The following DAB2IP variants were observed in gnomAD, a reference collection of about 807,000 sequenced individuals.
DAB2IP encodes DAB2 interacting protein.
A neutral mutation model predicts 107.2 loss-of-function variants in DAB2IP; 28 were observed. That is an observed-to-expected ratio of 0.26 (90% CI 0.19 to 0.36). The LOEUF is 0.36. Among genes scored for constraint, DAB2IP ranks in the 10% least tolerant of loss-of-function variants. The pLI, the probability that DAB2IP is intolerant of heterozygous loss-of-function variation, is 1.00. For synonymous variants in DAB2IP, 755 were observed against 706.4 expected (o/e 1.07, Z -1.09); for missense variants, 1,400 against 1,644.7 (o/e 0.85, Z 2.57).
At chr9:121,612,144 C>A (rs1453408512) in intron 1 of DAB2IP, among the ~76,000 whole-genome samples, 1 of 151,592 alleles carries the variant, frequency 6.6e-6, no homozygotes, top group Non-Finnish European at 1.5e-5. Flanking sequence ...CATAGCAAAA[C>A]CCTGTCTCTA....
chr9:121,675,861 A>G (rs773904507), intron 1 of DAB2IP, among the ~76,000 whole-genome samples: 70 of 152,140 alleles, frequency 4.6e-4, no homozygotes, highest in Non-Finnish European at 9.3e-4. Flanking sequence ...GGGTGGTGCG[A>G]AGGGGTGAGA....
intron 3 of DAB2IP, among the ~76,000 whole-genome samples, chr9:121,724,957 G>A (rs568341037): frequency 2.0e-5 from 3 of 152,256 alleles, no homozygotes; most frequent in African/African-American, 7.2e-5. Context: ...GGGGCAGGTC[G>A]GGGACTTCAG....
intron 1 of DAB2IP, among the ~76,000 whole-genome samples, chr9:121,623,257 CAG>C (rs1564117599): frequency 6.6e-6 from 1 of 152,208 alleles, no homozygotes; most frequent in Non-Finnish European, 1.5e-5. Context: ...AGGGGTGGTG[CAG>C]GGCCAGTGGG....
At chr9:121,756,096 C>T (rs756277281) in intron 3 of DAB2IP, among the ~76,000 whole-genome samples, 26 of 152,310 alleles carry the variant, frequency 1.7e-4, no homozygotes, top group Admixed American at 1.0e-3. Flanking sequence ...CCTGTCCTCA[C>T]GCTTTTCCTC....
chr9:121,617,686 T>C (rs1316420922), intron 1 of DAB2IP, among the ~76,000 whole-genome samples: 1 of 152,228 alleles, frequency 6.6e-6, no homozygotes, highest in African/African-American at 2.4e-5. Flanking sequence ...TACTTGGCAT[T>C]TTCATTCCTA....
intron 3 of DAB2IP, among the ~76,000 whole-genome samples, chr9:121,729,333 C>T (rs761699604): frequency 3.3e-5 from 5 of 152,180 alleles, no homozygotes; most frequent in Non-Finnish European, 7.3e-5. Flanking sequence ...TTCTCATTTG[C>T]TCCTCTCAGA....
At chr9:121,783,380 A>T in exon 16 of DAB2IP, 1 of 1,537,118 alleles carries the variant, frequency 6.5e-7, no homozygotes, top group Non-Finnish European at 8.7e-7. Context: ...CCTGGGGCCC[A>T]GCACACCCAG....
intron 3 of DAB2IP, among the ~76,000 whole-genome samples, chr9:121,738,608 A>G (rs1278614629): frequency 1.3e-5 from 2 of 152,186 alleles, no homozygotes; most frequent in Non-Finnish European, 2.9e-5. Flanking sequence ...GAGCAGTTAA[A>G]CGAAACTGCC....
At chr9:121,636,824 G>A (rs1480521922) in intron 1 of DAB2IP, among the ~76,000 whole-genome samples, 1 of 152,196 alleles carries the variant, frequency 6.6e-6, no homozygotes, top group African/African-American at 2.4e-5. Context: ...CAGTTTACCA[G>A]GCAGCTTCCT....
intron 1 of DAB2IP, among the ~76,000 whole-genome samples, chr9:121,593,317 G>A (rs1238949447): frequency 6.6e-6 from 1 of 152,174 alleles, no homozygotes; most frequent in Non-Finnish European, 1.5e-5. Flanking sequence ...GTCCAGGCTA[G>A]AGTGCAATGG....
intron 1 of DAB2IP, among the ~76,000 whole-genome samples, chr9:121,631,614 G>A (rs949595593): frequency 3.3e-5 from 5 of 151,962 alleles, no homozygotes; most frequent in South Asian, 2.1e-4. Context: ...TCAAGAGATC[G>A]AGACCATCCT....
intron 3 of DAB2IP, among the ~76,000 whole-genome samples, chr9:121,734,227 A>G (rs1369658479): frequency 2.7e-5 from 4 of 148,432 alleles, no homozygotes; most frequent in African/African-American, 5.2e-5. Flanking sequence ...AATACAAAAA[A>G]TTAGCCGGGC....
intron 1 of DAB2IP, among the ~76,000 whole-genome samples, chr9:121,593,636 A>C (rs891095269): frequency 1.8e-4 from 23 of 126,652 alleles, no homozygotes; most frequent in Non-Finnish European, 1.2e-4. Flanking sequence ...GTTTTATTTT[A>C]TTTTCTTTTT....
At chr9:121,613,759 T>G (rs1831170588) in intron 1 of DAB2IP, among the ~76,000 whole-genome samples, 1 of 152,204 alleles carries the variant, frequency 6.6e-6, no homozygotes, top group Admixed American at 6.5e-5. Flanking sequence ...GTGCACTTAT[T>G]GGAGAAGTGC....
intron 4 of DAB2IP, 127 bp downstream of exon 4, chr9:121,757,293 G>A: frequency 7.9e-7 from 1 of 1,266,408 alleles, no homozygotes. Context: ...TGGGGACAGT[G>A]GCTAGTAGTT....
In DAB2IP at chr9:121,776,110, C is replaced by G. The variant is rs1271158159; in HGVS notation, c.3121-88C>G. On this transcript the variant is annotated intron_variant, in intron 13 of 15. Transcript: ENST00000408936. The surrounding 1 kb of genome is among the most constrained non-coding windows in gnomAD (Gnocchi z 5.4). The stretch of plus-strand genomic sequence containing the variant: ...CCACTGGGGCCTTTCAAGTGGGGCT[C>G]CCTCCTACCCTTCCTCCCACTCGGG... The G allele has an allele frequency of 1.6e-5, 23 of 1,459,742 alleles. No homozygotes were observed. In the South Asian group the frequency reaches 2.9e-4, roughly 18 times the overall value. 90.4% of individuals were successfully genotyped at this position (1,459,742 alleles called of 1,614,324 possible). A position where few individuals can be genotyped will look rare whatever the true frequency, so the allele number is the denominator to read the frequency against.
rs1024014632 is a variant in DAB2IP, at chr9:121,702,616, G to A, written c.362+3158G>A. Among the ~76,000 whole-genome samples, 1 of 152,066 alleles carries A rather than the reference G, an allele frequency of 6.6e-6. No homozygotes were observed. Among genetic ancestry groups the A allele is most frequent in the African/African-American group, 2.4e-5 (1 of 41,406 alleles). On this transcript the variant is annotated intron_variant, in intron 3 of 15. Coordinates refer to ENST00000408936, the Ensembl canonical transcript of DAB2IP. This position sits in a 1 kb window ranked among gnomAD's most constrained non-coding sequence, Gnocchi z 4.5. ...GCGCTTTCCAGGTGAAAGGTGTGCC[G>A]GCAAAAGCATTTTCATTTTGCACAC...
Position 121,782,526 on chromosome 9 carries a change from A to G in DAB2IP, c.*28A>G, listed in dbSNP as rs1375291019. ...TGCCTGAGGAGGGAGGAAGCTACCC[A>G]AGGAGAGGGGGACTATGGTGGCCAA... is the stretch of plus-strand genomic sequence containing the variant. On this transcript the variant is annotated 3_prime_UTR_variant, in exon 16 of 16. Coordinates refer to ENST00000408936, the Ensembl canonical transcript of DAB2IP. The surrounding 1 kb of genome is among the most constrained non-coding windows in gnomAD (Gnocchi z 6.1). 59 of 1,610,496 alleles carry G rather than the reference A, an allele frequency of 3.7e-5. No homozygotes were observed. The Admixed American group carries it at 9.3e-4, about 26-fold the overall frequency.
At chr9:121,646,652 C>T (rs1055479080), upstream of DAB2IP, among the ~76,000 whole-genome samples, 1 of 152,100 alleles carries the variant, frequency 6.6e-6, no homozygotes, top group South Asian at 2.1e-4. Flanking sequence ...GGAAACCTGA[C>T]AGGTCTGAGC....
Sources: allele counts gnomAD v4.1 joint callset (sites outside exome capture counted in the v4.1 genomes callset), GRCh38; gene constraint gnomAD v4.1.1; non-coding constraint Gnocchi (gnomAD v3.1); transcripts MANE v1.5; gene names NCBI Gene and HGNC (gene_info 2026-07-23, HGNC 2026-07-21).